Variants in BBS9 observed in about 807,000 individuals in gnomAD.
BBS9 encodes the protein protein PTHB1.
A neutral mutation model predicts 117.7 loss-of-function variants in BBS9; 89 were observed. The ratio of observed to expected loss-of-function variants is 0.76; its 90% confidence interval spans 0.64 to 0.90. The LOEUF (loss-of-function observed/expected upper bound fraction) is 0.90. Ranked by LOEUF, BBS9 falls within the 40% of genes least tolerant of loss-of-function variation. BBS9 has a pLI of 0.00. For synonymous variants in BBS9, 379 were observed against 370.9 expected, an observed-to-expected ratio of 1.02 and a Z score of -0.25; for missense variants, 982 against 1,042.2, an observed-to-expected ratio of 0.94 and a Z score of 0.80.
intron 12 of BBS9, chr7:33,346,364 C>A: frequency 2.5e-6 from 1 of 403,982 alleles, no homozygotes. Context: ...CTATTCCAGG[C>A]AACTAGGCGA....
chr7:33,334,937 G>A (rs948666390), intron 9 of BBS9, among the ~76,000 whole-genome samples: 3 of 152,098 alleles, frequency 2.0e-5, no homozygotes, highest in African/African-American at 7.2e-5. Flanking sequence ...CTATGCCTGA[G>A]TCCTGGAGAT....
At chr7:33,415,668 G>A (rs904505908) in intron 19 of BBS9, among the ~76,000 whole-genome samples, 1 of 152,100 alleles carries the variant, frequency 6.6e-6, no homozygotes, top group African/African-American at 2.4e-5. Flanking sequence ...CCTGCTTGTT[G>A]TATCCTTGAT....
At chr7:33,161,122 A>G (rs1218596367) in intron 4 of BBS9, among the ~76,000 whole-genome samples, 14 of 126,060 alleles carry the variant, frequency 1.1e-4, no homozygotes, top group Non-Finnish European at 2.0e-4. Context: ...ACACTAATTA[A>G]TACTTTTTTT....
chr7:33,150,283 A>G (rs6970824), intron 2 of BBS9, among the ~76,000 whole-genome samples: 4,065 of 152,290 alleles, frequency 0.027, 186 homozygotes, highest in African/African-American at 0.093. Flanking sequence ...TAAACCTATC[A>G]TTCTTTTATT....
intron 21 of BBS9, among the ~76,000 whole-genome samples, chr7:33,604,067 C>T (rs991745822): frequency 1.3e-5 from 2 of 152,164 alleles, no homozygotes; most frequent in African/African-American, 4.8e-5. Context: ...AGAAATCACA[C>T]TTCATTAACA....
chr7:33,629,351 G>T (rs973965553), intron 21 of BBS9, among the ~76,000 whole-genome samples: 1 of 152,096 alleles, frequency 6.6e-6, no homozygotes, highest in Non-Finnish European at 1.5e-5. Flanking sequence ...TTTAAAAAAT[G>T]ATTTAACAAT....
intron 21 of BBS9, among the ~76,000 whole-genome samples, chr7:33,604,465 T>C (rs1864278661): frequency 6.6e-6 from 1 of 152,098 alleles, no homozygotes; most frequent in Admixed American, 6.5e-5. Context: ...AAGGAAGGCT[T>C]CTTTCCCTCA....
rs922336296 is a variant in BBS9, at chr7:33,420,255, A to C, written c.2115+32111A>C. On this transcript the variant is annotated intron_variant, in intron 19 of 22. Transcript: ENST00000242067. Reference sequence around the variant, plus strand: ...TTCTGTAAAATGGGGATGATATTCCATTGTGTGATTTCATGAGATAATGGA... The same window carrying C: ...TTCTGTAAAATGGGGATGATATTCCCTTGTGTGATTTCATGAGATAATGGA... Among the ~76,000 whole-genome samples the C allele has an allele frequency of 7.2e-5, 11 of 152,204 alleles. No individual in the cohort carries two copies. In the South Asian group the frequency reaches 1.0e-3, roughly 14 times the overall value.
At chr7:33,187,929 G>GA in intron 5 of BBS9, among the ~76,000 whole-genome samples, 1 of 151,710 alleles carries the variant, frequency 6.6e-6, no homozygotes, top group East Asian at 1.9e-4. Flanking sequence ...CTCGAAAAAA[G>GA]AAAAAAGACA....
intron 21 of BBS9, among the ~76,000 whole-genome samples, chr7:33,577,313 A>T (rs1228278602): frequency 6.6e-6 from 1 of 152,256 alleles, no homozygotes; most frequent in African/African-American, 2.4e-5. Flanking sequence ...GCTCATCATC[A>T]CTGGTCATCA....
chr7:33,452,550 A>G (rs1226108043), intron 19 of BBS9, among the ~76,000 whole-genome samples: 1 of 152,136 alleles, frequency 6.6e-6, no homozygotes, highest in Non-Finnish European at 1.5e-5. Context: ...TATGTCCCTT[A>G]TGGGGTTGTT....
At chr7:33,452,568 T>C (rs1306907311) in intron 19 of BBS9, among the ~76,000 whole-genome samples, 1 of 152,192 alleles carries the variant, frequency 6.6e-6, no homozygotes, top group Non-Finnish European at 1.5e-5. Context: ...GTTTGAATAT[T>C]AAATAAGGTA....
intron 5 of BBS9, among the ~76,000 whole-genome samples, chr7:33,210,790 G>A (rs888827245): frequency 3.9e-5 from 6 of 152,036 alleles, no homozygotes; most frequent in Non-Finnish European, 8.8e-5. Context: ...CCAAAGTGCT[G>A]GGATTACAGG....
At chr7:33,466,892 GGA>G (rs774682947) in intron 19 of BBS9, among the ~76,000 whole-genome samples, 4 of 152,066 alleles carry the variant, frequency 2.6e-5, no homozygotes, top group Non-Finnish European at 5.9e-5. Flanking sequence ...AATCTTGGAG[GGA>G]GAGAGTGGTA....
chr7:33,371,605 C>T (rs542238979), intron 17 of BBS9, among the ~76,000 whole-genome samples: 27 of 151,992 alleles, frequency 1.8e-4, no homozygotes, highest in Non-Finnish European at 3.1e-4. Flanking sequence ...CAGAAGCTTG[C>T]GGGAGGGTTT....
chr7:33,363,556 A>T (rs896191509), intron 16 of BBS9, among the ~76,000 whole-genome samples: 2 of 152,134 alleles, frequency 1.3e-5, no homozygotes, highest in African/African-American at 4.8e-5. Flanking sequence ...CTTCCATTCC[A>T]ACTGGATTGT....
chr7:33,385,486 TGGA>T (rs1263999325), intron 18 of BBS9, among the ~76,000 whole-genome samples: 1 of 152,234 alleles, frequency 6.6e-6, no homozygotes, highest in Non-Finnish European at 1.5e-5. Context: ...TTCTAGTGCC[TGGA>T]CCAGGGTTTG....
At chr7:33,239,627 CT>C (rs1267194618) in intron 5 of BBS9, among the ~76,000 whole-genome samples, 1 of 152,126 alleles carries the variant, frequency 6.6e-6, no homozygotes, top group Non-Finnish European at 1.5e-5. Flanking sequence ...ATATTTTAAT[CT>C]TTTGTTATGG....
intron 1 of BBS9, among the ~76,000 whole-genome samples, chr7:33,144,062 A>G (rs529031045): frequency 6.6e-6 from 1 of 152,238 alleles, no homozygotes; most frequent in East Asian, 1.9e-4. Context: ...AATCATCACA[A>G]CACCACTCTT....
Sources: gnomAD v4.1 joint callset for allele counts (sites outside exome capture counted in the v4.1 genomes callset) on GRCh38, gnomAD v4.1.1 for gene constraint, MANE v1.5 for transcripts, NCBI Gene and HGNC (gene_info 2026-07-23, HGNC 2026-07-21) for gene names.